GRIA4: variants seen among roughly 807,000 people sequenced by gnomAD.
GRIA4 encodes the protein glutamate receptor 4.
A neutral mutation model predicts 104.0 loss-of-function variants in GRIA4; 34 were observed. The observed-to-expected ratio is 0.33, with a 90% CI of 0.25 to 0.44. The LOEUF (loss-of-function observed/expected upper bound fraction) is 0.44, where lower values mean the gene tolerates loss of function less well. Ranked by LOEUF, GRIA4 falls within the 20% of genes least tolerant of loss-of-function variation. The pLI is 1.00. For synonymous variants in GRIA4, 386 were observed against 381.9 expected, an observed-to-expected ratio of 1.01 and a Z score of -0.13; for missense variants, 750 against 1,096.5, an observed-to-expected ratio of 0.68 and a Z score of 4.46.
intron 15 of GRIA4, among the ~76,000 whole-genome samples, chr11:105,972,325 G>A (rs1858740622): frequency 6.6e-6 from 1 of 152,068 alleles, no homozygotes; most frequent in Non-Finnish European, 1.5e-5. Context: ...GTTTTTTGGG[G>A]TAGTTTTTTT....
At chr11:105,682,897 A>G (rs1952756051) in intron 3 of GRIA4, among the ~76,000 whole-genome samples, 1 of 152,168 alleles carries the variant, frequency 6.6e-6, no homozygotes, top group African/African-American at 2.4e-5. Flanking sequence ...GGTGTGAGCA[A>G]TGACAAAACC....
In GRIA4 at chr11:105,768,460, T is replaced by C. The variant is rs149012041; in HGVS notation, c.487+15240T>C. On this transcript the variant is annotated intron_variant, in intron 4 of 16. Coordinates refer to ENST00000282499, the MANE Select transcript of GRIA4 (RefSeq NM_000829.4). ...CATTTGAGGATGAAATCAACAACAA[T>C]CAGCAGCTACATATTTCAAGTTTTG... is the stretch of plus-strand genomic sequence containing the variant. Among the ~76,000 whole-genome samples the C allele has an allele frequency of 2.4e-3, 365 of 152,196 alleles. 2 individuals are homozygous for C. Among genetic ancestry groups the C allele is most frequent in the Middle Eastern group, 0.014 (4 of 294 alleles).
chr11:105,640,552 A>G (rs1951330219), intron 3 of GRIA4, among the ~76,000 whole-genome samples: 1 of 151,966 alleles, frequency 6.6e-6, no homozygotes, highest in Admixed American at 6.6e-5. Flanking sequence ...TTATTCAAAA[A>G]TACTCTTTTA....
intron 4 of GRIA4, among the ~76,000 whole-genome samples, chr11:105,810,933 T>C (rs983792408): frequency 2.6e-5 from 4 of 152,218 alleles, no homozygotes; most frequent in African/African-American, 4.8e-5. Context: ...AAAACTATTA[T>C]TGATTACTGC....
chr11:105,650,119 T>C (rs1326589776), intron 3 of GRIA4, among the ~76,000 whole-genome samples: 2 of 152,300 alleles, frequency 1.3e-5, no homozygotes, highest in East Asian at 1.9e-4. Flanking sequence ...TGAATGAGTG[T>C]TGAGGGAATA....
chr11:105,965,279 A>T (rs1437590535), intron 14 of GRIA4, among the ~76,000 whole-genome samples: 1 of 131,046 alleles, frequency 7.6e-6, no homozygotes, highest in African/African-American at 2.9e-5. Flanking sequence ...TGGATATGTA[A>T]TCCTAATTTC....
intron 4 of GRIA4, among the ~76,000 whole-genome samples, chr11:105,827,619 A>G (rs923458004): frequency 2.0e-5 from 3 of 151,784 alleles, no homozygotes; most frequent in Non-Finnish European, 2.9e-5. Flanking sequence ...AATGAGATCT[A>G]AAAAAAACTG....
At chr11:105,777,976 A>C (rs573145162) in intron 4 of GRIA4, among the ~76,000 whole-genome samples, 2 of 152,254 alleles carry the variant, frequency 1.3e-5, no homozygotes, top group East Asian at 3.9e-4. Flanking sequence ...CTACTTCTTC[A>C]TTCTTCTACA....
At chr11:105,952,579 A>G (rs1318187245) in intron 14 of GRIA4, among the ~76,000 whole-genome samples, 2 of 152,202 alleles carry the variant, frequency 1.3e-5, no homozygotes, top group Non-Finnish European at 2.9e-5. Context: ...CCATGTCTCA[A>G]CTAGAAATTA....
intron 3 of GRIA4, among the ~76,000 whole-genome samples, chr11:105,656,576 G>C (rs1388487783): frequency 1.3e-5 from 2 of 152,072 alleles, no homozygotes; most frequent in Non-Finnish European, 2.9e-5. Context: ...TATCAACAGA[G>C]AGAACAGGCA....
At chr11:105,734,815 CTTTATAAGCACTAAT>C (rs1938830931) in intron 3 of GRIA4, among the ~76,000 whole-genome samples, 1 of 152,048 alleles carries the variant, frequency 6.6e-6, no homozygotes, top group Non-Finnish European at 1.5e-5. Context: ...TCCTTTATTC[CTTTATAAGCACTAAT>C]TTTATAAGCA....
intron 3 of GRIA4, among the ~76,000 whole-genome samples, chr11:105,739,913 C>T (rs1939203298): frequency 6.6e-6 from 1 of 152,094 alleles, no homozygotes; most frequent in African/African-American, 2.4e-5. Context: ...GAATGAAAAA[C>T]AAATATTCAG....
At chr11:105,953,211 T>G (rs1948499186) in intron 14 of GRIA4, among the ~76,000 whole-genome samples, 1 of 152,228 alleles carries the variant, frequency 6.6e-6, no homozygotes, top group Non-Finnish European at 1.5e-5. Flanking sequence ...AAATTAGACA[T>G]ATTTAGTTCT....
At chr11:105,748,629 C>T (rs1175520816) in intron 3 of GRIA4, among the ~76,000 whole-genome samples, 4 of 152,106 alleles carry the variant, frequency 2.6e-5, no homozygotes, top group African/African-American at 7.2e-5. Context: ...GTGATCCGCC[C>T]GCCTTGGCCT....
At chr11:105,738,020 C>G (rs1004269974) in intron 3 of GRIA4, among the ~76,000 whole-genome samples, 1 of 151,770 alleles carries the variant, frequency 6.6e-6, no homozygotes, top group African/African-American at 2.4e-5. Flanking sequence ...CTCCCACCCC[C>G]CTGCCCTGTT....
chr11:105,725,577 A>G (rs977505069), intron 3 of GRIA4, among the ~76,000 whole-genome samples: 3 of 152,180 alleles, frequency 2.0e-5, no homozygotes, highest in Non-Finnish European at 4.4e-5. Flanking sequence ...ATCATTAATT[A>G]AAAGAAGGAG....
intron 4 of GRIA4, among the ~76,000 whole-genome samples, chr11:105,756,599 T>C (rs1376098783): frequency 1.3e-5 from 2 of 151,332 alleles, no homozygotes; most frequent in Admixed American, 6.6e-5. Flanking sequence ...TATTTGACAG[T>C]ACTAAACCCT....
At chr11:105,840,762 G>T (rs138412101) in intron 4 of GRIA4, among the ~76,000 whole-genome samples, 1,749 of 152,218 alleles carry the variant, frequency 0.011, 19 homozygotes, top group Non-Finnish European at 0.018. Context: ...GTGAAAAATT[G>T]TGCATTTCTT....
At chr11:105,795,515 G>A (rs1232099464) in intron 4 of GRIA4, among the ~76,000 whole-genome samples, 1 of 152,122 alleles carries the variant, frequency 6.6e-6, no homozygotes, top group Non-Finnish European at 1.5e-5. Flanking sequence ...GGGTGCAGGA[G>A]ATGAGGGGTA....
Sources: gnomAD v4.1 joint callset for allele counts (sites outside exome capture counted in the v4.1 genomes callset) on GRCh38, gnomAD v4.1.1 for gene constraint, MANE v1.5 for transcripts, NCBI Gene and HGNC (gene_info 2026-07-23, HGNC 2026-07-21) for gene names.